The following PCLO variants were observed in gnomAD, a reference collection of about 807,000 sequenced individuals.
PCLO encodes protein piccolo.
Under a neutral mutation model 427.5 loss-of-function variants are expected in PCLO, and 82 were observed. The ratio of observed to expected loss-of-function variants is 0.19; its 90% CI spans 0.16 to 0.23. PCLO has a LOEUF of 0.23. Ranked by LOEUF, PCLO falls within the 10% of genes least tolerant of loss-of-function variation. The pLI is 1.00. For synonymous variants in PCLO, 2,357 were observed against 2,155.4 expected (o/e 1.09, Z -2.59); for missense variants, 6,239 against 6,115.9 (o/e 1.02, Z -0.67).
chr7:82,956,806 T>C lies in PCLO; in HGVS notation c.4147A>G (p.Thr1383Ala). 3 of 1,613,692 alleles carry C rather than the reference T, an allele frequency of 1.9e-6. No individual in the cohort carries two copies. Among genetic ancestry groups the C allele is most frequent in the Non-Finnish European group, 2.5e-6 (3 of 1,179,656 alleles). ...CCCTTGAGAATATCCTTTTCATCAG[T>C]TGGAATAAGACTTGGAATTTCACCA... is the stretch of plus-strand genomic sequence containing the variant. ...SLGEIPSLIP[T>A]DEKDILKGLK... is the part of the protein sequence containing the mutation. Residue 1383 changes from threonine to alanine, a missense_variant, in exon 5 of 25, where the codon ACT becomes GCT. This residue lies in a region of PCLO where 4,677 missense variants were observed against 4,468.4 expected (regional missense o/e 1.05). Transcript: ENST00000333891.
chr7:83,079,309 A>C (rs1790035806), intron 3 of PCLO, among the ~76,000 whole-genome samples: 1 of 152,192 alleles, frequency 6.6e-6, no homozygotes, highest in African/African-American at 2.4e-5. Context: ...AAAATAAGCC[A>C]GAAATTATTT....
intron 6 of PCLO, among the ~76,000 whole-genome samples, chr7:82,928,392 T>C (rs983922597): frequency 6.6e-6 from 1 of 152,194 alleles, no homozygotes; most frequent in Non-Finnish European, 1.5e-5. Flanking sequence ...TATATAACAG[T>C]GTCCATTCAC....
At position 83,125,216 on chromosome 7, in the gene PCLO, T is replaced by C. The variant is rs1229924497; in HGVS notation, c.3300+9034A>G. Among the ~76,000 whole-genome samples the C allele has an allele frequency of 4.7e-5, 7 of 148,686 alleles. No homozygotes were observed. In the East Asian group the frequency reaches 1.4e-3, roughly 30 times the overall value. On this transcript the variant is annotated intron_variant, in intron 3 of 24. Transcript: ENST00000333891. Reference sequence around the variant, plus strand: ...AGGAGCCTCTCTGCCCGGCCGCCCATTGTCTGGGATGTGAGGAGTGCCTCT... The same window carrying C: ...AGGAGCCTCTCTGCCCGGCCGCCCACTGTCTGGGATGTGAGGAGTGCCTCT...
intron 22 of PCLO, among the ~76,000 whole-genome samples, chr7:82,798,815 T>C (rs915520933): frequency 3.9e-5 from 6 of 152,218 alleles, no homozygotes; most frequent in African/African-American, 1.4e-4. Flanking sequence ...AAAATGTTGC[T>C]ACCAAAAGGG....
At chr7:82,869,792 T>A (rs1248299855) in intron 10 of PCLO, among the ~76,000 whole-genome samples, 1 of 151,838 alleles carries the variant, frequency 6.6e-6, no homozygotes, top group Non-Finnish European at 1.5e-5. Context: ...GCAATCCTAT[T>A]TAAAACAGCT....
chr7:83,053,029 T>C (rs866121102), intron 3 of PCLO, among the ~76,000 whole-genome samples: 5 of 152,032 alleles, frequency 3.3e-5, no homozygotes, highest in African/African-American at 1.2e-4. Flanking sequence ...TATATTTCCC[T>C]CTTGGGAAAG....
At chr7:83,159,567 T>G (rs1399050250) in intron 1 of PCLO, among the ~76,000 whole-genome samples, 1 of 152,050 alleles carries the variant, frequency 6.6e-6, no homozygotes, top group Non-Finnish European at 1.5e-5. Context: ...CCCTTTTCAT[T>G]TTACTATTGT....
intron 3 of PCLO, among the ~76,000 whole-genome samples, chr7:83,038,723 A>C (rs1300062063): frequency 2.0e-5 from 3 of 151,928 alleles, no homozygotes; most frequent in Non-Finnish European, 4.4e-5. Flanking sequence ...ATGTTACTTT[A>C]TGTCTCTTCG....
chr7:83,043,277 G>GA (rs530543509), intron 3 of PCLO, among the ~76,000 whole-genome samples: 3 of 151,664 alleles, frequency 2.0e-5, no homozygotes, highest in African/African-American at 7.2e-5. Flanking sequence ...AAAAACAAAA[G>GA]AAAAAAAAGT....
At position 82,916,724 on chromosome 7, in the gene PCLO, G is replaced by A. The variant is rs149276794; in HGVS notation, c.11262C>T (p.Thr3754=). ...GTVSRRRICR[T]NTMARAKILQ... is the part of the protein sequence containing the mutation. ...GAATCTTGGCTCGTGCCATTGTGTT[G>A]GTTCTGCAGATCCTTCTCCTGGAAA... Residue 3754 remains threonine (T), a synonymous_variant, in exon 7 of 25, where the codon ACC becomes ACT. Coordinates refer to ENST00000333891, the MANE Select transcript of PCLO (RefSeq NM_033026.6). 131 of 1,613,540 alleles carry A rather than the reference G, an allele frequency of 8.1e-5. No homozygotes were observed. Among genetic ancestry groups the A allele is most frequent in the Non-Finnish European group, 1.0e-4 (120 of 1,179,694 alleles).
At chr7:82,836,057 C>T (rs570494131) in intron 15 of PCLO, among the ~76,000 whole-genome samples, 1 of 152,082 alleles carries the variant, frequency 6.6e-6, no homozygotes, top group African/African-American at 2.4e-5. Context: ...TTCTCCATTT[C>T]ACCATGGTTC....
At chr7:82,967,988 T>C (rs766995466) in intron 3 of PCLO, among the ~76,000 whole-genome samples, 12 of 152,224 alleles carry the variant, frequency 7.9e-5, no homozygotes, top group Non-Finnish European at 1.5e-4. Flanking sequence ...TCTTAAAGTA[T>C]TTAGATAAAA....
chr7:83,156,499 GTATAAA>G, intron 1 of PCLO, 107 bp from the exon 2 acceptor site: 1 of 675,770 alleles, frequency 1.5e-6, no homozygotes, highest in Non-Finnish European at 2.4e-6. Context: ...AATTATGAAT[GTATAAA>G]TATAACTAGA....
intron 3 of PCLO, among the ~76,000 whole-genome samples, chr7:83,042,984 C>A (rs925284515): frequency 1.3e-5 from 2 of 152,194 alleles, no homozygotes; most frequent in African/African-American, 2.4e-5. Flanking sequence ...GAAGTTATTT[C>A]TTTGGGTTTC....
intron 22 of PCLO, among the ~76,000 whole-genome samples, chr7:82,762,604 A>T (rs1302941455): frequency 6.6e-6 from 1 of 151,898 alleles, no homozygotes; most frequent in Non-Finnish European, 1.5e-5. Flanking sequence ...ATTTTTAATT[A>T]AAATTGAAAA....
intron 3 of PCLO, among the ~76,000 whole-genome samples, chr7:83,065,986 C>T (rs2116333198): frequency 6.6e-6 from 1 of 152,128 alleles, no homozygotes; most frequent in Non-Finnish European, 1.5e-5. Flanking sequence ...TTGTATTCTG[C>T]CTGCTGTATT....
intron 3 of PCLO, among the ~76,000 whole-genome samples, chr7:83,053,837 C>T (rs910230033): frequency 2.6e-5 from 4 of 151,382 alleles, no homozygotes; most frequent in African/African-American, 9.7e-5. Context: ...ATTTATACAC[C>T]CCAGAGGAAA....
In PCLO at chr7:82,916,005, T is replaced by A. The variant is rs757174097; in HGVS notation, c.11981A>T (p.Asp3994Val). ...QPLMIAPVSTDNTFAVSHLGS... is the reference protein window; with the variant it reads ...QPLMIAPVSTVNTFAVSHLGS... ...AAGATGGGAAACAGCAAATGTGTTATCCGTAGAAACAGGTGCTATCATAAG... is the reference window on the plus strand; with the variant it reads ...AAGATGGGAAACAGCAAATGTGTTAACCGTAGAAACAGGTGCTATCATAAG... The change falls in exon 7 of 25, where the codon GAT (aspartate) becomes GTT (valine). Residue 3994 changes from aspartate (D) to valine (V), a missense_variant. Physicochemically the swap from Asp to Val is radical, Grantham distance 152. Transcript: ENST00000333891. The A allele has an allele frequency of 1.2e-6, 2 of 1,612,794 alleles. No homozygotes were observed. The highest frequency in any genetic ancestry group is 1.7e-6 in the Non-Finnish European group (2 of 1,179,778).
intron 10 of PCLO, among the ~76,000 whole-genome samples, 176 bp from the exon 11 acceptor site, chr7:82,847,423 T>C (rs950698953): frequency 1.3e-5 from 2 of 152,200 alleles, no homozygotes; most frequent in East Asian, 1.9e-4. Context: ...TTTGATCTCA[T>C]TAACTTACCT....
Sources: allele counts gnomAD v4.1 joint callset (sites outside exome capture counted in the v4.1 genomes callset), GRCh38; gene constraint gnomAD v4.1.1; regional missense constraint gnomAD v4.1.1; transcripts MANE v1.5; gene names NCBI Gene and HGNC (gene_info 2026-07-23, HGNC 2026-07-21).